Variants in CSMD3 observed in about 807,000 individuals in gnomAD.
The protein encoded by CSMD3 is CUB and sushi domain-containing protein 3.
A neutral mutation model predicts 435.2 loss-of-function variants in CSMD3; 177 were observed. The ratio of observed to expected loss-of-function variants is 0.41; its 90% CI spans 0.36 to 0.46. The LOEUF is 0.46. Among genes scored for constraint, CSMD3 ranks in the 20% least tolerant of loss-of-function variants. CSMD3 has a pLI of 0.34. For synonymous variants in CSMD3, 1,656 were observed against 1,520.5 expected, an observed-to-expected ratio of 1.09 and a Z score of -2.07; for missense variants, 4,265 against 4,504.6, an observed-to-expected ratio of 0.95 and a Z score of 1.52.
chr8:113,152,149 C>T (rs1293824151), intron 4 of CSMD3, among the ~76,000 whole-genome samples: 5 of 151,824 alleles, frequency 3.3e-5, no homozygotes, highest in African/African-American at 7.3e-5. Context: ...ATCCAGTCCA[C>T]CTGGGAAGGT....
intron 18 of CSMD3, 133 bp downstream of exon 18, chr8:112,656,021 T>C (rs1175895491): frequency 8.2e-6 from 5 of 611,810 alleles, no homozygotes; most frequent in Non-Finnish European, 1.4e-5. Flanking sequence ...TTATAAAGCA[T>C]TAACATTCTT....
intron 6 of CSMD3, 111 bp downstream of exon 6, chr8:113,018,956 T>A: frequency 1.3e-6 from 1 of 777,320 alleles, no homozygotes; most frequent in Non-Finnish European, 2.3e-6. Flanking sequence ...TTTTTTTCAA[T>A]ACAAATTCCA....
intron 13 of CSMD3, among the ~76,000 whole-genome samples, chr8:112,751,363 G>A (rs1191804880): frequency 6.6e-6 from 1 of 152,038 alleles, no homozygotes; most frequent in Non-Finnish European, 1.5e-5. Context: ...GGAGAAAGAG[G>A]AGAGGAAAGA....
At chr8:113,164,062 T>A (rs1180333338) in intron 4 of CSMD3, among the ~76,000 whole-genome samples, 1 of 152,040 alleles carries the variant, frequency 6.6e-6, no homozygotes, top group Non-Finnish European at 1.5e-5. Context: ...GACTATAAAC[T>A]AATCGTGTTT....
rs115311740 is a variant in CSMD3, at chr8:112,450,417, A to G, written c.5395+22174T>C. Among the ~76,000 whole-genome samples the G allele has an allele frequency of 8.0e-3, 1,214 of 152,328 alleles. 23 individuals are homozygous for G. Among genetic ancestry groups the G allele is most frequent in the African/African-American group, 0.027 (1,126 of 41,578 alleles). ...AAAATCTTCAGATGTTAGTTTTCTA[A>G]GAAGACTTTCCAGTCAAAAAGAGAA... On this transcript the variant is annotated intron_variant, in intron 32 of 70. Transcript: ENST00000297405.
At chr8:112,361,671 C>G (rs67822558) in intron 38 of CSMD3, among the ~76,000 whole-genome samples, 61,595 of 140,088 alleles carry the variant, frequency 0.44, 14,096 homozygotes, top group Middle Eastern at 0.59. Flanking sequence ...CATTGAGATA[C>G]GAAGACATGG....
chr8:112,469,805 C>T (rs142723195), intron 32 of CSMD3, among the ~76,000 whole-genome samples: 13 of 151,772 alleles, frequency 8.6e-5, no homozygotes, highest in Admixed American at 3.9e-4. Context: ...CTGTGCTAAA[C>T]GATGTAAAAG....
Position 112,556,820 on chromosome 8 carries a change from G to C in CSMD3, c.4177C>G (p.Leu1393Val), listed in dbSNP as rs2131224650. The C allele has an allele frequency of 6.2e-7, 1 of 1,612,528 alleles. No homozygotes were observed. Among genetic ancestry groups the C allele is most frequent in the East Asian group, 2.2e-5 (1 of 44,812 alleles). ...PGYTLHGSSL[L>V]KCMTGERRAW... ...CTTCTCTCCCCTGTCATGCACTTGA[G>C]AAGGCTACTTCCGTGGAGAGTGTAG... Residue 1393 changes from leucine to valine, a missense_variant, in exon 25 of 71, where the codon CTC becomes GTC. Leu to Val is a conservative substitution (Grantham distance 32, BLOSUM62 1). Coordinates refer to ENST00000297405, the MANE Select transcript of CSMD3 (RefSeq NM_198123.2).
chr8:113,190,788 T>C (rs2131980114), intron 3 of CSMD3, among the ~76,000 whole-genome samples: 1 of 151,916 alleles, frequency 6.6e-6, no homozygotes, highest in Middle Eastern at 3.4e-3. Flanking sequence ...GCGAATGCTG[T>C]TCTTAGCAAA....
At chr8:112,816,559 A>G (rs189257771) in intron 12 of CSMD3, among the ~76,000 whole-genome samples, 213 of 152,226 alleles carry the variant, frequency 1.4e-3, no homozygotes, top group Admixed American at 2.6e-3. Flanking sequence ...CAAAGTTAGG[A>G]AAGTATAACT....
chr8:112,421,781 A>G (rs1328557633), intron 32 of CSMD3, among the ~76,000 whole-genome samples: 2 of 150,958 alleles, frequency 1.3e-5, no homozygotes, highest in Non-Finnish European at 3.0e-5. Flanking sequence ...GAAAATGAAT[A>G]AAAAACAATT....
At chr8:113,216,518 A>C (rs1035332470) in intron 3 of CSMD3, among the ~76,000 whole-genome samples, 1 of 151,950 alleles carries the variant, frequency 6.6e-6, no homozygotes. Flanking sequence ...AAAATTTCAA[A>C]ATTAAACAAG....
At chr8:113,172,042 A>G (rs1053136211) in intron 4 of CSMD3, among the ~76,000 whole-genome samples, 5 of 152,136 alleles carry the variant, frequency 3.3e-5, no homozygotes, top group Non-Finnish European at 7.4e-5. Context: ...CACACTCTTC[A>G]TGCCATTCTA....
chr8:112,415,286 C>G (rs141438194), intron 32 of CSMD3, among the ~76,000 whole-genome samples: 1 of 152,238 alleles, frequency 6.6e-6, no homozygotes, highest in East Asian at 1.9e-4. Context: ...CTAAAAGGAA[C>G]CAAGGTACAG....
At chr8:112,270,558 T>C (rs1346936567) in intron 59 of CSMD3, among the ~76,000 whole-genome samples, 2 of 152,144 alleles carry the variant, frequency 1.3e-5, no homozygotes, top group Admixed American at 1.3e-4. Flanking sequence ...GCAGATACCT[T>C]ACCGACTGAA....
At position 112,362,531 on chromosome 8, in the gene CSMD3, T is replaced by A. The variant is rs192779941; in HGVS notation, c.6137-9997A>T. ...CAAAAAGTTAAATAGAATCACGACG[T>A]GTAGGTATTATTCATTCATTCAATA... On this transcript the variant is annotated intron_variant, in intron 38 of 70. Transcript: ENST00000297405. Among the ~76,000 whole-genome samples the A allele has an allele frequency of 4.1e-4, 62 of 152,072 alleles. 1 individual carries two copies. The East Asian group carries it at 8.7e-3, about 21-fold the overall frequency.
chr8:113,355,822 CA>C (rs2094222904), intron 1 of CSMD3, among the ~76,000 whole-genome samples: 1 of 130,984 alleles, frequency 7.6e-6, no homozygotes, highest in Non-Finnish European at 1.6e-5. Context: ...ATCTATCAAC[CA>C]AAAAAATTAT....
chr8:112,638,063 T>C (rs1360961486), intron 21 of CSMD3, among the ~76,000 whole-genome samples: 1 of 151,606 alleles, frequency 6.6e-6, no homozygotes, highest in Non-Finnish European at 1.5e-5. Context: ...CATACAATTT[T>C]TTCCCCCTGT....
intron 1 of CSMD3, among the ~76,000 whole-genome samples, chr8:113,334,139 G>A (rs188494182): frequency 1.3e-5 from 2 of 151,654 alleles, no homozygotes; most frequent in East Asian, 3.9e-4. Context: ...ACTCACTTAT[G>A]TAGAGTAGTC....
Sources: allele counts gnomAD v4.1 joint callset (sites outside exome capture counted in the v4.1 genomes callset), GRCh38; gene constraint gnomAD v4.1.1; transcripts MANE v1.5; gene names NCBI Gene and HGNC (gene_info 2026-07-23, HGNC 2026-07-21).